ATE1: variants seen among roughly 807,000 people sequenced by gnomAD.
The protein encoded by ATE1 is arginyl-tRNA--protein transferase 1.
Under a neutral mutation model 70.5 loss-of-function variants are expected in ATE1, and 36 were observed. That is an observed-to-expected ratio of 0.51 (90% confidence interval 0.39 to 0.67). The LOEUF (loss-of-function observed/expected upper bound fraction) is 0.67, where lower values mean the gene tolerates loss of function less well. Among genes scored for constraint, ATE1 ranks in the 30% least tolerant of loss-of-function variants. ATE1 has a pLI of 0.00. For missense variants in ATE1, 593 were observed against 629.5 expected, an observed-to-expected ratio of 0.94 and a Z score of 0.62; for synonymous variants, 232 against 219.3, an observed-to-expected ratio of 1.06 and a Z score of -0.51.
chr10:121,878,541 C>A (rs1950129885), intron 7 of ATE1, among the ~76,000 whole-genome samples: 1 of 150,122 alleles, frequency 6.7e-6, no homozygotes, highest in Non-Finnish European at 1.5e-5. Flanking sequence ...TGCAGTGAAC[C>A]GAGATCACAC....
intron 3 of ATE1, among the ~76,000 whole-genome samples, chr10:121,914,424 C>T (rs532821741): frequency 1.3e-5 from 2 of 149,832 alleles, no homozygotes; most frequent in East Asian, 2.0e-4. Context: ...AAGAGAAGGA[C>T]AGAAGTGTTA....
intron 10 of ATE1, among the ~76,000 whole-genome samples, chr10:121,811,034 G>C (rs1947299852): frequency 6.6e-6 from 1 of 152,158 alleles, no homozygotes; most frequent in African/African-American, 2.4e-5. Context: ...TTTGCCATTT[G>C]ATGTTATAAA....
At chr10:121,755,949 T>TC (rs1229198310) in intron 11 of ATE1, among the ~76,000 whole-genome samples, 1 of 151,774 alleles carries the variant, frequency 6.6e-6, no homozygotes. Flanking sequence ...TTCCCAACAG[T>TC]CCCCCAACAT....
At chr10:121,852,819 T>G (rs1949104796) in intron 8 of ATE1, among the ~76,000 whole-genome samples, 1 of 152,148 alleles carries the variant, frequency 6.6e-6, no homozygotes, top group Non-Finnish European at 1.5e-5. Flanking sequence ...TAGTCTACAG[T>G]TAAGAAATGA....
At chr10:121,769,479 AC>A (rs1351172607) in intron 11 of ATE1, among the ~76,000 whole-genome samples, 1 of 152,208 alleles carries the variant, frequency 6.6e-6, no homozygotes, top group African/African-American at 2.4e-5. Context: ...ATATTTGAGA[AC>A]TAGGGCTTAG....
intron 5 of ATE1, among the ~76,000 whole-genome samples, chr10:121,909,510 A>G (rs1266619390): frequency 1.3e-5 from 2 of 152,172 alleles, no homozygotes; most frequent in Non-Finnish European, 2.9e-5. Context: ...ATTTGCCTCA[A>G]TATAATTTTG....
chr10:121,754,811 C>T (rs1027447072), intron 11 of ATE1, among the ~76,000 whole-genome samples: 1 of 152,120 alleles, frequency 6.6e-6, no homozygotes, highest in African/African-American at 2.4e-5. Flanking sequence ...TGGTACATTC[C>T]ACTTCCCCAA....
chr10:121,900,126 T>C, intron 6 of ATE1, 132 bp from the exon 7 acceptor site: 1 of 980,668 alleles, frequency 1.0e-6, no homozygotes, highest in Non-Finnish European at 1.4e-6. Flanking sequence ...TATTTTAATA[T>C]TAAAAACCAA....
chr10:121,913,566 T>C (rs777413204), intron 4 of ATE1, among the ~76,000 whole-genome samples: 37 of 150,954 alleles, frequency 2.5e-4, no homozygotes, highest in Non-Finnish European at 3.1e-4. Context: ...AAATTTAACA[T>C]GATCCTCAAT....
At chr10:121,890,763 A>G (rs1372829556) in intron 7 of ATE1, among the ~76,000 whole-genome samples, 1 of 152,202 alleles carries the variant, frequency 6.6e-6, no homozygotes, top group East Asian at 1.9e-4. Context: ...TATCACATAG[A>G]ATTACTGGTA....
chr10:121,772,870 T>A (rs1200047690), intron 11 of ATE1, among the ~76,000 whole-genome samples: 1 of 152,264 alleles, frequency 6.6e-6, no homozygotes, highest in Non-Finnish European at 1.5e-5. Flanking sequence ...CTAAGATTTC[T>A]GATTCCATTC....
In ATE1 at chr10:121,743,734, G is replaced by A. The variant is rs752048714; in HGVS notation, c.1503C>T (p.Tyr501=). The A allele has an allele frequency of 1.5e-5, 24 of 1,613,838 alleles. No homozygotes were observed. In the East Asian group the frequency reaches 1.6e-4, roughly 10 times the overall value. ...DPSEEAAVLQ[Y]ASLVGQKCSE... is the part of the protein sequence containing the mutation. ...AGCACTTCTGCCCCACCAGGCTGGC[G>A]TACTGCAGAACAGCAGCCTCCTCAC... The change falls in exon 12 of 12, where the codon TAC becomes TAT. Residue 501 remains tyrosine (Y), a synonymous_variant. Transcript: ENST00000224652.
At chr10:121,928,267 G>A (rs903359289), upstream of ATE1, 134 of 1,441,984 alleles carry the variant, frequency 9.3e-5, no homozygotes, top group Non-Finnish European at 1.2e-4. Context: ...GGGAGTCGGG[G>A]TGCGAGCCTG....
intron 7 of ATE1, among the ~76,000 whole-genome samples, chr10:121,878,073 T>C (rs1950111865): frequency 1.3e-5 from 2 of 152,212 alleles, no homozygotes; most frequent in Non-Finnish European, 2.9e-5. Context: ...CTACTATATG[T>C]CACATGGATT....
At chr10:121,882,193 ATTAC>A (rs1217062819) in intron 7 of ATE1, among the ~76,000 whole-genome samples, 2 of 148,586 alleles carry the variant, frequency 1.3e-5, no homozygotes, top group South Asian at 2.1e-4. Flanking sequence ...GGTTTTGAAT[ATTAC>A]TTCTTTTTTT....
At chr10:121,818,269 A>AAAG (rs1377689961) in intron 10 of ATE1, among the ~76,000 whole-genome samples, 1 of 151,302 alleles carries the variant, frequency 6.6e-6, no homozygotes, top group Middle Eastern at 3.2e-3. Context: ...AAAAAAAAAA[A>AAAG]AAAAAAAAAA....
chr10:121,922,708 C>A (rs966280444), intron 2 of ATE1, among the ~76,000 whole-genome samples: 1 of 152,268 alleles, frequency 6.6e-6, no homozygotes, highest in African/African-American at 2.4e-5. Flanking sequence ...ATCCCCAATA[C>A]CACAAGGGCA....
chr10:121,902,570 G>T lies in ATE1; in HGVS notation c.634C>A (p.Arg212=), dbSNP rs535459996. Residue 212 remains arginine, a synonymous_variant, in exon 6 of 12, where the codon CGG becomes AGG. Coordinates refer to ENST00000224652, the MANE Select transcript of ATE1 (RefSeq NM_001001976.3). ...KPPCRKAKEI[R]KERKRLKLMQ... The stretch of plus-strand genomic sequence containing the variant: ...AGTTTTAACCTTTTCCTTTCTTTCC[G>T]GATTTCCTTTGCTTTTCGACATGGA... 1.2e-6 allele frequency: 2 copies of T among 1,613,872 alleles called. No individual in the cohort carries two copies. Among genetic ancestry groups the T allele is most frequent in the Admixed American group, 3.3e-5 (2 of 59,982 alleles).
intron 5 of ATE1, among the ~76,000 whole-genome samples, chr10:121,910,595 A>G (rs1951382303): frequency 6.6e-6 from 1 of 152,220 alleles, no homozygotes; most frequent in Non-Finnish European, 1.5e-5. Flanking sequence ...AAGAATGTTT[A>G]TCACTCCTTT....
Sources: gnomAD v4.1 joint callset for allele counts (sites outside exome capture counted in the v4.1 genomes callset) on GRCh38, gnomAD v4.1.1 for gene constraint, MANE v1.5 for transcripts, NCBI Gene and HGNC (gene_info 2026-07-23, HGNC 2026-07-21) for gene names.